ST6GALNAC3: variants seen among roughly 807,000 people sequenced by gnomAD.
ST6GALNAC3 encodes the protein alpha-N-acetylgalactosaminide alpha-2,6-sialyltransferase 3.
Under a neutral mutation model 32.7 loss-of-function variants are expected in ST6GALNAC3, and 25 were observed. The observed-to-expected ratio is 0.76, with a 90% confidence interval of 0.56 to 1.07. The LOEUF (loss-of-function observed/expected upper bound fraction) is 1.07, where lower values mean the gene tolerates loss of function less well. Ranked by LOEUF, ST6GALNAC3 falls within the 50% of genes least tolerant of loss-of-function variation. The probability of loss-of-function intolerance (pLI) is 0.00; values close to 1 mark genes in which losing one functional copy is unlikely to be tolerated. For missense variants in ST6GALNAC3, 355 were observed against 382.4 expected, an observed-to-expected ratio of 0.93 and a Z score of 0.60; for synonymous variants, 129 against 133.1, an observed-to-expected ratio of 0.97 and a Z score of 0.21.
intron 3 of ST6GALNAC3, among the ~76,000 whole-genome samples, chr1:76,590,747 C>T (rs1355277448): frequency 6.6e-6 from 1 of 152,178 alleles, no homozygotes; most frequent in Non-Finnish European, 1.5e-5. Flanking sequence ...ATGCAGAAAG[C>T]CAGTAACTGC....
Position 76,478,663 on chromosome 1 carries a change from C to A in ST6GALNAC3, c.623+66246C>A, listed in dbSNP as rs540840674. Among the ~76,000 whole-genome samples, 86 of 151,612 alleles carry A rather than the reference C, an allele frequency of 5.7e-4. 1 individual carries two copies. Among genetic ancestry groups the A allele is most frequent in the Non-Finnish European group, 1.1e-3 (73 of 67,890 alleles). ...TGCTCTAAAGATACCCCTAGTACTA[C>A]TATTTTTTCCAGTCTTGTGTTTTCA... is the stretch of plus-strand genomic sequence containing the variant. On this transcript the variant is annotated intron_variant, in intron 3 of 4. Transcript: ENST00000328299.
chr1:76,569,661 C>A (rs167556), intron 3 of ST6GALNAC3, among the ~76,000 whole-genome samples: 11,444 of 151,804 alleles, frequency 0.075, 810 homozygotes, highest in East Asian at 0.2. Flanking sequence ...ATTAAGATCT[C>A]GTAGGACAGC....
intron 3 of ST6GALNAC3, among the ~76,000 whole-genome samples, chr1:76,547,835 C>A (rs1336262841): frequency 6.7e-6 from 1 of 149,648 alleles, no homozygotes; most frequent in Non-Finnish European, 1.5e-5. Flanking sequence ...GCACTCCAGC[C>A]CCAGCGACAA....
At chr1:76,164,440 G>T (rs1652000766) in intron 1 of ST6GALNAC3, among the ~76,000 whole-genome samples, 1 of 152,132 alleles carries the variant, frequency 6.6e-6, no homozygotes, top group South Asian at 2.1e-4. Flanking sequence ...GGAAAATCAT[G>T]GCAGCTTTTG....
intron 2 of ST6GALNAC3, among the ~76,000 whole-genome samples, chr1:76,338,346 C>T (rs1399546994): frequency 2.0e-5 from 3 of 152,170 alleles, no homozygotes; most frequent in Non-Finnish European, 4.4e-5. Flanking sequence ...TGGGGAAGCA[C>T]TTTATGCTCG....
chr1:76,312,355 T>C lies in ST6GALNAC3; in HGVS notation c.19-1450T>C, dbSNP rs563052085. On this transcript the variant is annotated intron_variant, in intron 1 of 4. Coordinates refer to ENST00000328299, the MANE Select transcript of ST6GALNAC3 (RefSeq NM_152996.4). ...AACCTAGGCAGTATCATTCAGGACATAGGCATGGGCAAAGACTTAATGACT... is the reference window on the plus strand; with the variant it reads ...AACCTAGGCAGTATCATTCAGGACACAGGCATGGGCAAAGACTTAATGACT... 3.3e-5 allele frequency among the ~76,000 whole-genome samples: 5 copies of C among 152,206 alleles called. No individual in the cohort carries two copies. The South Asian group carries it at 1.0e-3, about 32-fold the overall frequency.
intron 3 of ST6GALNAC3, among the ~76,000 whole-genome samples, chr1:76,617,400 A>G (rs1041765863): frequency 6.6e-6 from 1 of 152,156 alleles, no homozygotes; most frequent in Non-Finnish European, 1.5e-5. Context: ...CGAAGAAGGA[A>G]TGGCTGATAG....
chr1:76,334,350 TTACCTTTTGCTTTTG>T (rs78483877), intron 2 of ST6GALNAC3, among the ~76,000 whole-genome samples: 13,538 of 152,274 alleles, frequency 0.089, 819 homozygotes, highest in Non-Finnish European at 0.13. Context: ...ACTTCTCCAT[TTACCTTTTGCTTTTG>T]TGGAAATCAC....
At chr1:76,355,578 T>G (rs1649370518) in intron 2 of ST6GALNAC3, among the ~76,000 whole-genome samples, 1 of 152,220 alleles carries the variant, frequency 6.6e-6, no homozygotes, top group Non-Finnish European at 1.5e-5. Flanking sequence ...TAATGTGAAT[T>G]TGGCCCACTC....
At chr1:76,465,190 G>C (rs906965665) in intron 3 of ST6GALNAC3, among the ~76,000 whole-genome samples, 2 of 152,142 alleles carry the variant, frequency 1.3e-5, no homozygotes, top group African/African-American at 4.8e-5. Context: ...CTGCATGTCA[G>C]ATATTGAGTC....
At chr1:76,253,317 A>G (rs1195448989) in intron 1 of ST6GALNAC3, among the ~76,000 whole-genome samples, 1 of 152,156 alleles carries the variant, frequency 6.6e-6, no homozygotes, top group Non-Finnish European at 1.5e-5. Context: ...ATAAGGAAGT[A>G]TAAATGGATG....
At chr1:76,183,465 CAT>C (rs914007300) in intron 1 of ST6GALNAC3, among the ~76,000 whole-genome samples, 2 of 151,904 alleles carry the variant, frequency 1.3e-5, no homozygotes, top group East Asian at 1.9e-4. Flanking sequence ...ATATGAGTGT[CAT>C]ATATGTGTAA....
chr1:76,570,880 C>CT (rs954695691), intron 3 of ST6GALNAC3, among the ~76,000 whole-genome samples: 1 of 151,982 alleles, frequency 6.6e-6, no homozygotes, highest in African/African-American at 2.4e-5. Flanking sequence ...GGCCCATGTC[C>CT]TTAGGTGCCA....
chr1:76,276,904 A>C (rs1331997884), intron 1 of ST6GALNAC3, among the ~76,000 whole-genome samples: 2 of 152,196 alleles, frequency 1.3e-5, no homozygotes, highest in Non-Finnish European at 2.9e-5. Flanking sequence ...ATTTTGGCAA[A>C]TCAATTAGGC....
chr1:76,610,254 T>A (rs1466343836), intron 3 of ST6GALNAC3, among the ~76,000 whole-genome samples: 1 of 152,042 alleles, frequency 6.6e-6, no homozygotes, highest in East Asian at 1.9e-4. Flanking sequence ...TGTAATTAAA[T>A]CCCCTGTTAG....
At chr1:76,486,680 A>G (rs924783783) in intron 3 of ST6GALNAC3, among the ~76,000 whole-genome samples, 1 of 152,074 alleles carries the variant, frequency 6.6e-6, no homozygotes, top group East Asian at 1.9e-4. Context: ...TCTTTATCCA[A>G]TTTGCCAGTC....
intron 1 of ST6GALNAC3, among the ~76,000 whole-genome samples, chr1:76,248,531 G>A (rs552053349): frequency 5.3e-5 from 8 of 152,020 alleles, no homozygotes; most frequent in Non-Finnish European, 8.8e-5. Flanking sequence ...TCAAATCACC[G>A]CCCCTTAGAT....
rs891547439 is a variant in ST6GALNAC3, at chr1:76,238,358, C to T, written c.19-75447C>T. Among the ~76,000 whole-genome samples, 8 of 152,154 alleles carry T rather than the reference C, an allele frequency of 5.3e-5. No individual in the cohort carries two copies. In the East Asian group the frequency reaches 5.8e-4, roughly 11 times the overall value. ...AGGCCATTATGGAGAGTGAAAAATG[C>T]GCAAGAGGATGCCCACAGCATGAGT... is the stretch of plus-strand genomic sequence containing the variant. On this transcript the variant is annotated intron_variant, in intron 1 of 4. Transcript: ENST00000328299.
chr1:76,246,946 A>G (rs1251730787), intron 1 of ST6GALNAC3, among the ~76,000 whole-genome samples: 2 of 152,050 alleles, frequency 1.3e-5, no homozygotes, highest in Non-Finnish European at 2.9e-5. Context: ...GGATTTATCT[A>G]CCTTTGATCT....
Sources: allele counts gnomAD v4.1 joint callset (sites outside exome capture counted in the v4.1 genomes callset), GRCh38; gene constraint gnomAD v4.1.1; transcripts MANE v1.5; gene names NCBI Gene and HGNC (gene_info 2026-07-23, HGNC 2026-07-21).